The following TUSC3 variants were observed in gnomAD, a reference collection of about 807,000 sequenced individuals.
TUSC3 encodes the protein dolichyl-diphosphooligosaccharide--protein glycosyltransferase subunit TUSC3.
Under a neutral mutation model 44.8 loss-of-function variants are expected in TUSC3, and 45 were observed. That is an observed-to-expected ratio of 1.00 (90% confidence interval 0.79 to 1.29). TUSC3 has a LOEUF of 1.29. Ranked by LOEUF, TUSC3 falls within the 50% of genes most tolerant of loss-of-function variation. TUSC3 has a pLI of 0.00. For synonymous variants in TUSC3, 212 were observed against 152.9 expected (o/e 1.39, Z -2.85); for missense variants, 519 against 437.9 (o/e 1.19, Z -1.65).
intron 6 of TUSC3, among the ~76,000 whole-genome samples, chr8:15,688,131 G>C (rs1332759125): frequency 5.3e-5 from 8 of 151,860 alleles, no homozygotes; most frequent in African/African-American, 1.7e-4. Flanking sequence ...ACATTGGAAA[G>C]AGTCCTGTGG....
chr8:15,654,410 T>C (rs912756214), intron 3 of TUSC3, among the ~76,000 whole-genome samples: 1 of 152,094 alleles, frequency 6.6e-6, no homozygotes, highest in African/African-American at 2.4e-5. Flanking sequence ...TGGAATAAGA[T>C]AGACTCCTGA....
the TUSC3 span, among the ~76,000 whole-genome samples, chr8:15,791,077 A>T: frequency 6.6e-6 from 1 of 152,292 alleles, no homozygotes; most frequent in African/African-American, 2.4e-5. Context: ...GGAAATGGGG[A>T]TGGAGAGAAT....
intron 2 of TUSC3, among the ~76,000 whole-genome samples, chr8:15,490,355 C>G (rs1001100695): frequency 1.3e-5 from 2 of 152,144 alleles, no homozygotes; most frequent in Admixed American, 1.3e-4. Flanking sequence ...TGACTTCTAT[C>G]AGAGTTGCTC....
chr8:15,812,401 T>G, the TUSC3 span, among the ~76,000 whole-genome samples: 1 of 152,120 alleles, frequency 6.6e-6, no homozygotes, highest in African/African-American at 2.4e-5. Context: ...GACCATAATT[T>G]TGAGAAAATG....
In TUSC3 at chr8:15,642,197, T is replaced by C. The variant is rs546623659; in HGVS notation, c.309-8500T>C. On this transcript the variant is annotated intron_variant, in intron 2 of 10. Transcript: ENST00000503731. ...AGTTGCTTGTCATGGAATTTTGTAG[T>C]ATCACAAGATAGATCTCTCTCTATA... is the stretch of plus-strand genomic sequence containing the variant. Among the ~76,000 whole-genome samples the C allele has an allele frequency of 3.9e-5, 6 of 152,318 alleles. No individual in the cohort carries two copies. The South Asian group carries it at 8.3e-4, about 21-fold the overall frequency.
rs761969185 is a variant in TUSC3, at chr8:15,540,439, C to G, written c.9C>G (p.Ala3=). Reference sequence around the variant, plus strand: ...GACACTGCCCTGCCGCGATGGGGGCCCGGGGCGCTCCTTCACGCCGTAGGC... The same window carrying G: ...GACACTGCCCTGCCGCGATGGGGGCGCGGGGCGCTCCTTCACGCCGTAGGC... MG[A]RGAPSRRRQA... is the part of the protein sequence containing the mutation. Residue 3 remains alanine, a synonymous_variant, in exon 1 of 11, where the codon GCC becomes GCG. Coordinates refer to ENST00000503731, the MANE Select transcript of TUSC3 (RefSeq NM_006765.4). 1.3e-6 allele frequency: 2 copies of G among 1,594,820 alleles called. No homozygotes were observed. Among genetic ancestry groups the G allele is most frequent in the South Asian group, 1.1e-5 (1 of 88,972 alleles).
At chr8:15,738,683 C>G (rs1032152237) in intron 7 of TUSC3, among the ~76,000 whole-genome samples, 1 of 152,042 alleles carries the variant, frequency 6.6e-6, no homozygotes, top group Admixed American at 6.6e-5. Flanking sequence ...TGAACAGTTA[C>G]TGTTTTTATC....
intron 1 of TUSC3, among the ~76,000 whole-genome samples, chr8:15,426,819 C>T (rs1799809448): frequency 6.6e-6 from 1 of 152,164 alleles, no homozygotes; most frequent in Non-Finnish European, 1.5e-5. Flanking sequence ...GTACTGTATG[C>T]CATAGCTACT....
At chr8:15,629,076 A>G (rs899832766) in intron 2 of TUSC3, among the ~76,000 whole-genome samples, 1 of 152,196 alleles carries the variant, frequency 6.6e-6, no homozygotes, top group African/African-American at 2.4e-5. Flanking sequence ...GGTTTATTTA[A>G]TAAGTAACTT....
chr8:15,763,571 T>C (rs1812239142), intron 10 of TUSC3, among the ~76,000 whole-genome samples: 1 of 152,094 alleles, frequency 6.6e-6, no homozygotes, highest in African/African-American at 2.4e-5. Context: ...AACAAAAGCT[T>C]CATAAATGTT....
At chr8:15,785,930 A>G in the TUSC3 span, among the ~76,000 whole-genome samples, 1 of 152,304 alleles carries the variant, frequency 6.6e-6, no homozygotes, top group East Asian at 1.9e-4. Context: ...GAAAAAAAGA[A>G]TTTCCAACAC....
the TUSC3 span, among the ~76,000 whole-genome samples, chr8:15,774,801 C>G: frequency 6.6e-6 from 1 of 151,756 alleles, no homozygotes; most frequent in Non-Finnish European, 1.5e-5. Flanking sequence ...GACTTCACAC[C>G]CATCAGAATG....
At chr8:15,478,659 A>G (rs1213866154) in intron 1 of TUSC3, among the ~76,000 whole-genome samples, 1 of 151,750 alleles carries the variant, frequency 6.6e-6, no homozygotes, top group Non-Finnish European at 1.5e-5. Flanking sequence ...TCCCTACCAC[A>G]TTTTCTTTAT....
At chr8:15,556,941 C>A (rs926788364) in intron 1 of TUSC3, among the ~76,000 whole-genome samples, 26 of 149,660 alleles carry the variant, frequency 1.7e-4, no homozygotes, top group Non-Finnish European at 3.6e-4. Flanking sequence ...AAATTTTCTC[C>A]CATTTTGTAG....
At chr8:15,419,305 A>G (rs1799695336) in intron 1 of TUSC3, among the ~76,000 whole-genome samples, 1 of 152,262 alleles carries the variant, frequency 6.6e-6, no homozygotes, top group African/African-American at 2.4e-5. Flanking sequence ...GTGACAGGAA[A>G]GAATGAGCTA....
At chr8:15,626,464 G>T (rs1416165137) in intron 2 of TUSC3, among the ~76,000 whole-genome samples, 1 of 152,228 alleles carries the variant, frequency 6.6e-6, no homozygotes, top group Non-Finnish European at 1.5e-5. Flanking sequence ...GAGCATGGTT[G>T]TAGCCTTCCA....
chr8:15,550,796 C>G lies in TUSC3; in HGVS notation c.138+10228C>G, dbSNP rs548089520. Among the ~76,000 whole-genome samples, 3 of 151,536 alleles carry G rather than the reference C, an allele frequency of 2.0e-5. No homozygotes were observed. The Admixed American group carries it at 2.0e-4, about 10-fold the overall frequency. On this transcript the variant is annotated intron_variant, in intron 1 of 10. Transcript: ENST00000503731. Reference sequence around the variant, plus strand: ...AAGTGATTCTCGTGCCTCAGCCTCCCGAGTAGCTGGGATTACAAGCGTGCA... The same window carrying G: ...AAGTGATTCTCGTGCCTCAGCCTCCGGAGTAGCTGGGATTACAAGCGTGCA...
chr8:15,810,908 G>A, the TUSC3 span, among the ~76,000 whole-genome samples: 1 of 152,150 alleles, frequency 6.6e-6, no homozygotes, highest in Non-Finnish European at 1.5e-5. Flanking sequence ...CAGGACCGCT[G>A]ACACCAGGGA....
chr8:15,466,250 A>G (rs1035720184), intron 1 of TUSC3, among the ~76,000 whole-genome samples: 12 of 152,320 alleles, frequency 7.9e-5, no homozygotes, highest in Admixed American at 6.5e-4. Context: ...CAATTTCAAT[A>G]CATCTAAGAA....
Sources: gnomAD v4.1 joint callset for allele counts (sites outside exome capture counted in the v4.1 genomes callset) on GRCh38, gnomAD v4.1.1 for gene constraint, MANE v1.5 for transcripts, NCBI Gene and HGNC (gene_info 2026-07-23, HGNC 2026-07-21) for gene names.